TBXAS1: variants seen among roughly 807,000 people sequenced by gnomAD.
The protein encoded by TBXAS1 is thromboxane A synthase 1, also known as thromboxane-A synthase.
A neutral mutation model predicts 60.7 loss-of-function variants in TBXAS1; 48 were observed. That is an observed-to-expected ratio of 0.79 (90% CI 0.63 to 1.01). TBXAS1 has a LOEUF of 1.01. Ranked by LOEUF, TBXAS1 falls within the 50% of genes least tolerant of loss-of-function variation. The pLI, the probability that TBXAS1 is intolerant of heterozygous loss-of-function variation, is 0.00. For missense variants in TBXAS1, 685 were observed against 686.3 expected (o/e 1.00, Z 0.02); for synonymous variants, 287 against 269.7 (o/e 1.06, Z -0.63).
chr7:139,908,039 T>C (rs1390758549), intron 3 of TBXAS1, among the ~76,000 whole-genome samples: 2 of 152,128 alleles, frequency 1.3e-5, no homozygotes, highest in African/African-American at 2.4e-5. Flanking sequence ...TTGTGTCTTC[T>C]CTCTTTTATC....
chr7:139,949,589 T>G (rs1809033817), intron 5 of TBXAS1, among the ~76,000 whole-genome samples: 1 of 152,238 alleles, frequency 6.6e-6, no homozygotes, highest in Non-Finnish European at 1.5e-5. Flanking sequence ...TGGCACACCC[T>G]TTTGTACTGA....
intron 3 of TBXAS1, among the ~76,000 whole-genome samples, chr7:139,890,039 G>A (rs1244067288): frequency 6.6e-6 from 1 of 152,064 alleles, no homozygotes; most frequent in Non-Finnish European, 1.5e-5. Context: ...CAATCGAATG[G>A]GGTGTTTCCC....
At chr7:139,994,773 T>C (rs915155121) in intron 9 of TBXAS1, among the ~76,000 whole-genome samples, 2 of 152,160 alleles carry the variant, frequency 1.3e-5, no homozygotes, top group African/African-American at 4.8e-5. Context: ...TTCTTAGAGT[T>C]GGTAGCAAAG....
chr7:139,787,627 G>T (rs183313564), intron 4 of TBXAS1, among the ~76,000 whole-genome samples: 1 of 152,116 alleles, frequency 6.6e-6, no homozygotes, highest in African/African-American at 2.4e-5. Flanking sequence ...CAACGACTGG[G>T]ATGGCCAAGG....
chr7:139,931,964 C>T (rs1228814262), intron 4 of TBXAS1, among the ~76,000 whole-genome samples: 1 of 152,016 alleles, frequency 6.6e-6, no homozygotes, highest in Non-Finnish European at 1.5e-5. Context: ...TGGAGGAATG[C>T]TGGTGATAGT....
intron 4 of TBXAS1, among the ~76,000 whole-genome samples, chr7:139,799,574 T>C (rs1298957636): frequency 1.3e-5 from 2 of 152,156 alleles, no homozygotes; most frequent in African/African-American, 4.8e-5. Context: ...CAGGCTAGTC[T>C]TGAACTTCTG....
In TBXAS1 at chr7:139,909,658, AAGG is replaced by A. The variant is rs8192826; in HGVS notation, c.237-1564_237-1562del. Among the ~76,000 whole-genome samples the A allele has an allele frequency of 4.1e-3, 623 of 151,910 alleles. 8 individuals are homozygous for A. Among genetic ancestry groups the A allele is most frequent in the East Asian group, 0.029 (149 of 5,190 alleles). ...TTTATTGTTTTCCATAGTTAATGAG[AAGG>A]AGAAGAATTTAAAACAATTAATATC... On this transcript the variant is annotated intron_variant, in intron 3 of 12. Transcript: ENST00000448866.
At chr7:139,823,142 G>A (rs781455169) in intron 4 of TBXAS1, among the ~76,000 whole-genome samples, 6 of 151,504 alleles carry the variant, frequency 4.0e-5, no homozygotes, top group Non-Finnish European at 5.9e-5. Context: ...AAGCTCAAAT[G>A]TCATTAGATT....
intron 4 of TBXAS1, among the ~76,000 whole-genome samples, chr7:139,911,676 T>C (rs557178904): frequency 1.3e-5 from 2 of 152,100 alleles, no homozygotes; most frequent in Non-Finnish European, 2.9e-5. Context: ...TAAATATTAG[T>C]TGGAAAGCAA....
intron 4 of TBXAS1, among the ~76,000 whole-genome samples, chr7:139,806,510 G>A (rs192825497): frequency 2.0e-4 from 31 of 151,862 alleles, no homozygotes; most frequent in African/African-American, 7.2e-4. Flanking sequence ...TGACCCAGCC[G>A]TCTTGGCCTC....
At chr7:139,792,005 G>A (rs192488776) in intron 4 of TBXAS1, among the ~76,000 whole-genome samples, 2 of 152,082 alleles carry the variant, frequency 1.3e-5, no homozygotes, top group African/African-American at 4.8e-5. Flanking sequence ...AGCAGAGCTT[G>A]TGTGTGTTCC....
intron 1 of TBXAS1, among the ~76,000 whole-genome samples, chr7:139,855,433 G>T (rs1365453716): frequency 3.9e-5 from 6 of 152,008 alleles, no homozygotes; most frequent in African/African-American, 7.2e-5. Flanking sequence ...GGCGTGGGCT[G>T]CCCTGGGGCT....
intron 3 of TBXAS1, among the ~76,000 whole-genome samples, chr7:139,876,527 C>T (rs557572745): frequency 3.3e-5 from 5 of 152,224 alleles, no homozygotes; most frequent in Admixed American, 2.0e-4. Context: ...GTGTTGCCGA[C>T]GTACATTCCA....
chr7:139,822,561 G>A (rs1033246659), intron 4 of TBXAS1, among the ~76,000 whole-genome samples: 2 of 152,116 alleles, frequency 1.3e-5, no homozygotes, highest in African/African-American at 2.4e-5. Context: ...GAGGCCTCGT[G>A]CTCAGCGTGC....
chr7:139,828,025 G>A (rs1314667302), upstream of TBXAS1, among the ~76,000 whole-genome samples: 1 of 152,120 alleles, frequency 6.6e-6, no homozygotes, highest in East Asian at 1.9e-4. Context: ...GGATGTCTAG[G>A]TCTCTAGATG....
intron 9 of TBXAS1, among the ~76,000 whole-genome samples, chr7:139,973,644 G>C (rs1021970850): frequency 1.3e-5 from 2 of 151,490 alleles, no homozygotes; most frequent in Non-Finnish European, 2.9e-5. Context: ...CCAGGCGTAT[G>C]AATATTCCAG....
At chr7:139,874,598 A>G (rs910820677) in intron 2 of TBXAS1, among the ~76,000 whole-genome samples, 4 of 151,924 alleles carry the variant, frequency 2.6e-5, no homozygotes, top group Non-Finnish European at 5.9e-5. Flanking sequence ...GGACATCCAC[A>G]CTCCTAACCC....
At chr7:139,927,379 C>T (rs1359386035) in intron 4 of TBXAS1, among the ~76,000 whole-genome samples, 1 of 151,414 alleles carries the variant, frequency 6.6e-6, no homozygotes, top group African/African-American at 2.5e-5. Flanking sequence ...GACAACTTAA[C>T]ACTGATTGCA....
At chr7:139,798,627 C>T (rs187267974) in intron 4 of TBXAS1, among the ~76,000 whole-genome samples, 248 of 152,312 alleles carry the variant, frequency 1.6e-3, no homozygotes, top group Non-Finnish European at 3.0e-3. Flanking sequence ...AGAACATTTG[C>T]TCCCAAACCA....
Sources: gnomAD v4.1 joint callset for allele counts (sites outside exome capture counted in the v4.1 genomes callset) on GRCh38, gnomAD v4.1.1 for gene constraint, MANE v1.5 for transcripts, NCBI Gene and HGNC (gene_info 2026-07-23, HGNC 2026-07-21) for gene names.